LAMP3: variants seen among roughly 807,000 people sequenced by gnomAD.
The protein encoded by LAMP3 is lysosome-associated membrane glycoprotein 3.
In LAMP3, 26 loss-of-function variants were observed where a neutral mutation model predicts 34.8. The observed-to-expected ratio is 0.75, with a 90% CI of 0.55 to 1.04. The LOEUF (loss-of-function observed/expected upper bound fraction) is 1.04, where lower values mean the gene tolerates loss of function less well. Among genes scored for constraint, LAMP3 ranks in the 50% least tolerant of loss-of-function variants. The pLI is 0.00. For missense variants in LAMP3, 495 were observed against 524.0 expected, an observed-to-expected ratio of 0.94 and a Z score of 0.54; for synonymous variants, 180 against 201.9, an observed-to-expected ratio of 0.89 and a Z score of 0.92.
intron 5 of LAMP3, among the ~76,000 whole-genome samples, chr3:183,126,665 A>C (rs1389148582): frequency 6.6e-6 from 1 of 152,224 alleles, no homozygotes; most frequent in Non-Finnish European, 1.5e-5. Context: ...TAATAGAGAA[A>C]AAGCACAAAC....
chr3:183,127,870 G>A (rs548319693), intron 5 of LAMP3, among the ~76,000 whole-genome samples: 9 of 152,184 alleles, frequency 5.9e-5, no homozygotes, highest in East Asian at 1.9e-4. Flanking sequence ...GGTGGCTCAC[G>A]CCTGTAATCC....
chr3:183,154,427 AC>A (rs1477007809), intron 1 of LAMP3, 36 bp from the exon 2 acceptor site: 2 of 1,468,800 alleles, frequency 1.4e-6, no homozygotes, highest in Non-Finnish European at 9.3e-7. Context: ...AAAAACACTA[AC>A]CGATTGCTTA....
In LAMP3 at chr3:183,135,703, G is replaced by A. The variant is rs368131731; in HGVS notation, c.1117+14C>T. 7.6e-5 allele frequency: 123 copies of A among 1,612,742 alleles called. No homozygotes were observed. The highest frequency in any genetic ancestry group is 9.8e-5 in the Non-Finnish European group (116 of 1,179,128). On this transcript the variant is annotated intron_variant, in intron 5 of 5. Coordinates refer to ENST00000265598, the MANE Select transcript of LAMP3 (RefSeq NM_014398.4). Reference sequence around the variant, plus strand: ...TAAAGTGTATGTTTGCAACCTGATCGACCCTTAACTTACCATTTCCAAAGT... The same window carrying A: ...TAAAGTGTATGTTTGCAACCTGATCAACCCTTAACTTACCATTTCCAAAGT...
intron 5 of LAMP3, among the ~76,000 whole-genome samples, chr3:183,135,346 G>C (rs1365059138): frequency 6.6e-6 from 1 of 152,176 alleles, no homozygotes; most frequent in Admixed American, 6.5e-5. Context: ...CTTGATTTCA[G>C]ACATTACTGA....
intron 1 of LAMP3, 91 bp downstream of exon 1, chr3:183,162,516 C>A: frequency 7.6e-7 from 1 of 1,310,306 alleles, no homozygotes; most frequent in Non-Finnish European, 1.1e-6. Flanking sequence ...ACCCGCAGCC[C>A]GTCCTGTGGC....
chr3:183,154,494 G>T, intron 1 of LAMP3, 103 bp from the exon 2 acceptor site: 1 of 882,316 alleles, frequency 1.1e-6, no homozygotes, highest in Non-Finnish European at 1.7e-6. Flanking sequence ...AACCTAACAT[G>T]CATATTTTTA....
At chr3:183,158,882 T>TA (rs1354200553) in intron 1 of LAMP3, among the ~76,000 whole-genome samples, 1 of 150,966 alleles carries the variant, frequency 6.6e-6, no homozygotes, top group Non-Finnish European at 1.5e-5. Context: ...ACAAGTGTTT[T>TA]TTTTTGTCTT....
intron 1 of LAMP3, 21 bp from the exon 2 acceptor site, chr3:183,154,412 G>A: frequency 1.3e-6 from 2 of 1,562,914 alleles, no homozygotes; most frequent in Non-Finnish European, 1.7e-6. Context: ...GGAAATAAAA[G>A]TGTTAAAAAC....
rs958980665 is a variant in LAMP3, at chr3:183,145,373, T to C, written c.889-4778A>G. Reference sequence around the variant, plus strand: ...CATTCTTTAGCTCAGCACACTCTCATGGCAGCCCAGCAAAATAAGCACTCG... The same window carrying C: ...CATTCTTTAGCTCAGCACACTCTCACGGCAGCCCAGCAAAATAAGCACTCG... On this transcript the variant is annotated intron_variant, in intron 3 of 5. Transcript: ENST00000265598. Among the ~76,000 whole-genome samples the C allele has an allele frequency of 5.9e-5, 9 of 152,284 alleles. 1 individual carries two copies. In the South Asian group the frequency reaches 1.9e-3, roughly 32 times the overall value.
intron 1 of LAMP3, among the ~76,000 whole-genome samples, chr3:183,156,416 G>A (rs1251385758): frequency 6.6e-6 from 1 of 151,980 alleles, no homozygotes; most frequent in African/African-American, 2.4e-5. Flanking sequence ...CTGTGGTCAG[G>A]CACACTGAGA....
chr3:183,144,731 C>T (rs1157173611), intron 3 of LAMP3, among the ~76,000 whole-genome samples: 1 of 152,104 alleles, frequency 6.6e-6, no homozygotes, highest in Non-Finnish European at 1.5e-5. Flanking sequence ...TAATGAAAAC[C>T]TGTCTCTAGA....
chr3:183,159,504 T>A (rs658672), intron 1 of LAMP3, among the ~76,000 whole-genome samples: 1 of 152,000 alleles, frequency 6.6e-6, no homozygotes, highest in East Asian at 1.9e-4. Flanking sequence ...AGGGAGTCAT[T>A]GGAGCCCCAC....
chr3:183,131,253 A>T (rs1719910094), intron 5 of LAMP3, among the ~76,000 whole-genome samples: 3 of 152,184 alleles, frequency 2.0e-5, no homozygotes, highest in Non-Finnish European at 2.9e-5. Flanking sequence ...TTCTTGTTTC[A>T]TCTGCTAGGG....
chr3:183,157,460 G>A (rs75806590), intron 1 of LAMP3, among the ~76,000 whole-genome samples: 74 of 152,306 alleles, frequency 4.9e-4, no homozygotes, highest in African/African-American at 1.6e-3. Flanking sequence ...GGTAAAACCC[G>A]CGTTGCTGGT....
intron 5 of LAMP3, among the ~76,000 whole-genome samples, chr3:183,133,441 G>T (rs142626786): frequency 6.6e-6 from 1 of 152,106 alleles, no homozygotes. Context: ...TGCAACCTCC[G>T]CCTCCTGATT....
At chr3:183,138,254 G>A (rs1337035559) in intron 4 of LAMP3, among the ~76,000 whole-genome samples, 1 of 152,152 alleles carries the variant, frequency 6.6e-6, no homozygotes, top group Non-Finnish European at 1.5e-5. Context: ...ACAGATCTAA[G>A]TGAATTAACA....
At chr3:183,155,383 C>T (rs191632138) in intron 1 of LAMP3, among the ~76,000 whole-genome samples, 6 of 152,280 alleles carry the variant, frequency 3.9e-5, no homozygotes, top group Admixed American at 6.5e-5. Context: ...CTGTCATTTT[C>T]GTACTTAACT....
chr3:183,154,237 G>A lies in LAMP3; in HGVS notation c.204C>T (p.Phe68=), dbSNP rs142441403. ...TTTGAAAGGTGATATGACCATCCAT[G>A]AATCTTGCTGCTAAAGTTTGGTGAG... ...QAPHQTLAAR[F]MDGHITFQTA... The change falls in exon 2 of 6, where the codon TTC becomes TTT. Residue 68 remains phenylalanine, a synonymous_variant. Coordinates refer to ENST00000265598, the MANE Select transcript of LAMP3 (RefSeq NM_014398.4). The A allele has an allele frequency of 1.9e-5, 31 of 1,614,002 alleles. No homozygotes were observed. Among genetic ancestry groups the A allele is most frequent in the Non-Finnish European group, 2.6e-5 (31 of 1,180,030 alleles).
chr3:183,132,610 G>A lies in LAMP3; in HGVS notation c.1117+3107C>T, dbSNP rs181542966. 3.0e-6 allele frequency: 3 copies of A among 985,200 alleles called. No homozygotes were observed. In the South Asian group the frequency reaches 1.4e-4, roughly 46 times the overall value. The allele number at this position is 985,200 out of a possible 1,614,324, so 61.0% of individuals were successfully genotyped here. On this transcript the variant is annotated intron_variant, in intron 5 of 5. Coordinates refer to ENST00000265598, the MANE Select transcript of LAMP3 (RefSeq NM_014398.4). ...ATGGCAGAGGGCATCAAGCACACCT[G>A]GCATGGCCTCCCCAAAGCAACAGGA...
Sources: gnomAD v4.1 joint callset for allele counts (sites outside exome capture counted in the v4.1 genomes callset) on GRCh38, gnomAD v4.1.1 for gene constraint, MANE v1.5 for transcripts, NCBI Gene and HGNC (gene_info 2026-07-23, HGNC 2026-07-21) for gene names.